PCDHA7: variants seen among roughly 807,000 people sequenced by gnomAD.
PCDHA7 encodes protocadherin alpha 7, also known as protocadherin alpha-7.
A neutral mutation model predicts 57.2 loss-of-function variants in PCDHA7; 37 were observed. The observed-to-expected ratio is 0.65, with a 90% CI of 0.50 to 0.85. The LOEUF (loss-of-function observed/expected upper bound fraction) is 0.85. Among genes scored for constraint, PCDHA7 ranks in the 40% least tolerant of loss-of-function variants. The pLI is 0.00. For synonymous variants in PCDHA7, 553 were observed against 558.8 expected, an observed-to-expected ratio of 0.99 and a Z score of 0.15; for missense variants, 1,188 against 1,241.8, an observed-to-expected ratio of 0.96 and a Z score of 0.65.
At chr5:140,842,856 C>T (rs782295377) in intron 1 of PCDHA7, 1 of 1,593,922 alleles carries the variant, frequency 6.3e-7, no homozygotes, top group African/African-American at 1.3e-5. Context: ...TCGGTGCACA[C>T]GGAGAGCGGC....
chr5:140,852,752 C>T (rs2042460960), intron 1 of PCDHA7: 1 of 983,598 alleles, frequency 1.0e-6, no homozygotes, highest in Non-Finnish European at 1.2e-6. Context: ...TAAACTTGGA[C>T]CCAGGTATCT....
chr5:140,974,440 C>T (rs782138345), intron 1 of PCDHA7, among the ~76,000 whole-genome samples: 7 of 152,182 alleles, frequency 4.6e-5, no homozygotes, highest in Admixed American at 1.3e-4. Context: ...TGTAAATTAG[C>T]ATTTTAAATG....
At chr5:140,928,844 C>A (rs782361945) in intron 1 of PCDHA7, 9 of 1,614,168 alleles carry the variant, frequency 5.6e-6, no homozygotes, top group Non-Finnish European at 7.6e-6. Context: ...TCCTCTGTCA[C>A]TCTGGGTGTG....
intron 1 of PCDHA7, among the ~76,000 whole-genome samples, chr5:140,914,901 G>A (rs2076874560): frequency 6.8e-6 from 1 of 147,044 alleles, no homozygotes; most frequent in African/African-American, 2.5e-5. Flanking sequence ...TTAACTTTGT[G>A]TTGTTTCTCT....
chr5:140,927,099 T>G lies in PCDHA7; in HGVS notation c.2356-51850T>G, dbSNP rs782352775. 10 of 1,613,434 alleles carry G rather than the reference T, an allele frequency of 6.2e-6. No homozygotes were observed. In the South Asian group the frequency reaches 7.7e-5, roughly 12 times the overall value. On this transcript the variant is annotated intron_variant, in intron 1 of 3. Coordinates refer to ENST00000525929, the MANE Select transcript of PCDHA7 (RefSeq NM_018910.3). The stretch of plus-strand genomic sequence containing the variant: ...ACCGCGAGCTCTACTTCGGGGTGGA[T>G]CTACCCAGCGGCAATTTGGTGGTCA...
chr5:140,873,461 T>A (rs2054305243), intron 1 of PCDHA7, among the ~76,000 whole-genome samples: 1 of 152,224 alleles, frequency 6.6e-6, no homozygotes, highest in Admixed American at 6.5e-5. Context: ...GCATTTTAGA[T>A]AATTCAAATT....
rs372500794 is a variant in PCDHA7, at chr5:140,876,782, C to A, written c.2355+40044C>A. 5.6e-6 allele frequency: 9 copies of A among 1,614,096 alleles called. No individual in the cohort carries two copies. The East Asian group carries it at 1.8e-4, about 32-fold the overall frequency. On this transcript the variant is annotated intron_variant, in intron 1 of 3. Transcript: ENST00000525929. ...GATGGGGGCTCGCCTTCGCTGTGGG[C>A]CACGGCTAGAGTGTCCGTGGAGGTG...
In PCDHA7 at chr5:140,978,000, T is replaced by G. The variant is rs564788160; in HGVS notation, c.2356-949T>G. 2.0e-5 allele frequency among the ~76,000 whole-genome samples: 3 copies of G among 152,212 alleles called. No homozygotes were observed. In the South Asian group the frequency reaches 6.2e-4, roughly 32 times the overall value. On this transcript the variant is annotated intron_variant, in intron 1 of 3. Coordinates refer to ENST00000525929, the MANE Select transcript of PCDHA7 (RefSeq NM_018910.3). ...AACGCATCTAGAGGAGTGTCACAAG[T>G]TTTTCACAGTGACATTTTTGCTTAC...
chr5:140,953,074 C>T (rs929530454), intron 1 of PCDHA7, among the ~76,000 whole-genome samples: 1 of 152,204 alleles, frequency 6.6e-6, no homozygotes, highest in Non-Finnish European at 1.5e-5. Flanking sequence ...CCATCTCCAA[C>T]ATTGGGGATT....
intron 1 of PCDHA7, among the ~76,000 whole-genome samples, chr5:140,950,285 C>T (rs1314594266): frequency 1.3e-5 from 2 of 151,926 alleles, no homozygotes; most frequent in African/African-American, 4.8e-5. Context: ...TTTGCTTCAA[C>T]CTGAAAAACT....
intron 1 of PCDHA7, chr5:140,867,317 CTAA>C (rs1554161223): frequency 6.6e-6 from 1 of 151,956 alleles, no homozygotes; most frequent in African/African-American, 2.4e-5. Flanking sequence ...GTCATCTGGT[CTAA>C]TGTTATGTTT....
At chr5:140,841,029 T>C (rs1554137976) in intron 1 of PCDHA7, among the ~76,000 whole-genome samples, 2 of 152,050 alleles carry the variant, frequency 1.3e-5, no homozygotes, top group African/African-American at 2.4e-5. Context: ...GCCTCTGCAA[T>C]TGATAAAGTT....
chr5:140,928,036 G>T, intron 1 of PCDHA7: 1 of 1,614,158 alleles, frequency 6.2e-7, no homozygotes, highest in Non-Finnish European at 8.5e-7. Context: ...CATGTCTAGT[G>T]CAGGCCCTTT....
chr5:140,960,541 C>T (rs1200507322), intron 1 of PCDHA7, among the ~76,000 whole-genome samples: 1 of 151,924 alleles, frequency 6.6e-6, no homozygotes, highest in Non-Finnish European at 1.5e-5. Context: ...GAAACTGTGG[C>T]CTTCATATAG....
At chr5:140,859,014 A>G (rs983768098) in intron 1 of PCDHA7, 1 of 151,370 alleles carries the variant, frequency 6.6e-6, no homozygotes, top group Non-Finnish European at 1.5e-5. Flanking sequence ...AATCTTAGCA[A>G]TTAAGTTAAA....
intron 3 of PCDHA7, among the ~76,000 whole-genome samples, chr5:140,991,146 G>A (rs2097434554): frequency 6.6e-6 from 1 of 151,978 alleles, no homozygotes; most frequent in African/African-American, 2.4e-5. Context: ...AATGTTTTTT[G>A]CTCACCATTG....
intron 1 of PCDHA7, chr5:140,875,283 C>G (rs1554167582): frequency 7.3e-7 from 1 of 1,362,346 alleles, no homozygotes; most frequent in Non-Finnish European, 9.6e-7. Context: ...GAAGGTGAAA[C>G]AGGAAAATTT....
intron 3 of PCDHA7, among the ~76,000 whole-genome samples, chr5:140,985,689 C>A (rs1237077456): frequency 6.6e-6 from 1 of 151,906 alleles, no homozygotes; most frequent in African/African-American, 2.4e-5. Flanking sequence ...TTACGCTAAT[C>A]CTCGTTCATA....
At chr5:140,967,921 C>A (rs781932025) in intron 1 of PCDHA7, 3 of 1,614,172 alleles carry the variant, frequency 1.9e-6, no homozygotes, top group Middle Eastern at 3.3e-4. Context: ...CCATTGTGGC[C>A]GTTCTCAGTG....
Sources: gnomAD v4.1 joint callset for allele counts (sites outside exome capture counted in the v4.1 genomes callset) on GRCh38, gnomAD v4.1.1 for gene constraint, MANE v1.5 for transcripts, NCBI Gene and HGNC (gene_info 2026-07-23, HGNC 2026-07-21) for gene names.